UTRN: variants seen among roughly 807,000 people sequenced by gnomAD.
The protein encoded by UTRN is dystrophin-related protein 1.
Under a neutral mutation model 463.9 loss-of-function variants are expected in UTRN, and 283 were observed. The ratio of observed to expected loss-of-function variants is 0.61; its 90% CI spans 0.55 to 0.67. The LOEUF (loss-of-function observed/expected upper bound fraction) is 0.67, where lower values mean the gene tolerates loss of function less well. Ranked by LOEUF, UTRN falls within the 30% of genes least tolerant of loss-of-function variation. The pLI is 0.00. For missense variants in UTRN, 3,922 were observed against 4,084.3 expected, an observed-to-expected ratio of 0.96 and a Z score of 1.08; for synonymous variants, 1,442 against 1,431.5, an observed-to-expected ratio of 1.01 and a Z score of -0.17.
intron 51 of UTRN, among the ~76,000 whole-genome samples, chr6:144,582,295 G>C (rs1802040748): frequency 6.6e-6 from 1 of 152,184 alleles, no homozygotes; most frequent in African/African-American, 2.4e-5. Flanking sequence ...CCGGTTACCA[G>C]TTTGAGCAGG....
chr6:144,816,742 TTTTTTTAAA>T, intron 65 of UTRN, among the ~76,000 whole-genome samples: 1 of 150,434 alleles, frequency 6.6e-6, no homozygotes, highest in African/African-American at 2.4e-5. Context: ...CCTTTTTTTT[TTTTTTTAAA>T]TTTTTTTTTA....
In UTRN at chr6:144,730,496, G is replaced by C; in HGVS notation, c.7939+10G>C. On this transcript the variant is annotated intron_variant, in intron 54 of 74. Transcript: ENST00000367545. ...CTACAATCAAAAACAGGTGAGACTG[G>C]TTTCTCCACTACATCATAAAAACAC... 5 of 1,602,888 alleles carry C rather than the reference G, an allele frequency of 3.1e-6. No individual in the cohort carries two copies. The highest frequency in any genetic ancestry group is 4.3e-6 in the Non-Finnish European group (5 of 1,174,326).
At chr6:144,357,440 T>G (rs1470095101) in intron 2 of UTRN, among the ~76,000 whole-genome samples, 1 of 152,240 alleles carries the variant, frequency 6.6e-6, no homozygotes, top group Non-Finnish European at 1.5e-5. Flanking sequence ...GCCCAACAAT[T>G]TAATATCCAC....
At chr6:144,405,347 A>T (rs190745128) in intron 3 of UTRN, among the ~76,000 whole-genome samples, 1 of 152,238 alleles carries the variant, frequency 6.6e-6, no homozygotes, top group East Asian at 1.9e-4. Context: ...ATTGCTTCCA[A>T]TTGGGGATAG....
At chr6:144,577,351 A>G (rs912435378) in intron 51 of UTRN, 63 bp downstream of exon 51, 94 of 1,536,828 alleles carry the variant, frequency 6.1e-5, no homozygotes, top group South Asian at 2.0e-4. Context: ...ATCCCTCTGC[A>G]TGCAAATGTG....
chr6:144,640,872 C>T (rs1777693715), intron 51 of UTRN, among the ~76,000 whole-genome samples: 1 of 152,110 alleles, frequency 6.6e-6, no homozygotes, highest in South Asian at 2.1e-4. Context: ...TTATCAGTTT[C>T]ATTTGAAGAC....
intron 63 of UTRN, among the ~76,000 whole-genome samples, chr6:144,794,278 C>A (rs772746646): frequency 2.4e-4 from 36 of 152,156 alleles, no homozygotes; most frequent in Non-Finnish European, 4.1e-4. Flanking sequence ...CCATTCCTCT[C>A]CTTGCTCTCC....
Position 144,416,490 on chromosome 6 carries a change from TCC to T in UTRN, c.142-5385_142-5384del, listed in dbSNP as rs1784374589. ...CACTGCAGTTGTTTGCAGCCCTTGC[TCC>T]CCGCTAGACCCCCCTGGCTTCTCCC... On this transcript the variant is annotated intron_variant, in intron 3 of 74. Transcript: ENST00000367545. 2.0e-5 allele frequency among the ~76,000 whole-genome samples: 3 copies of T among 152,136 alleles called. No individual in the cohort carries two copies. In the South Asian group the frequency reaches 6.2e-4, roughly 32 times the overall value.
At chr6:144,440,538 C>G in intron 13 of UTRN, 67 bp downstream of exon 13, 1 of 1,595,456 alleles carries the variant, frequency 6.3e-7, no homozygotes, top group South Asian at 1.1e-5. Context: ...ACATATTGCC[C>G]TTGTTCTTCA....
intron 51 of UTRN, among the ~76,000 whole-genome samples, chr6:144,649,952 G>T (rs1778642244): frequency 1.3e-5 from 2 of 152,068 alleles, no homozygotes; most frequent in South Asian, 4.1e-4. Flanking sequence ...AGATGTATTA[G>T]CTCATTCTCA....
intron 42 of UTRN, among the ~76,000 whole-genome samples, chr6:144,531,922 G>A (rs1010975271): frequency 2.6e-5 from 4 of 152,056 alleles, no homozygotes; most frequent in Admixed American, 2.0e-4. Context: ...CGGATTATGA[G>A]GTCAGGAGAT....
At chr6:144,488,291 T>C (rs1015579789) in intron 29 of UTRN, among the ~76,000 whole-genome samples, 2 of 152,222 alleles carry the variant, frequency 1.3e-5, no homozygotes, top group Admixed American at 6.5e-5. Context: ...AAAGAGACTC[T>C]GATGTTTGTG....
intron 63 of UTRN, among the ~76,000 whole-genome samples, chr6:144,796,340 A>G (rs1777212685): frequency 2.0e-5 from 3 of 152,154 alleles, no homozygotes; most frequent in South Asian, 2.1e-4. Flanking sequence ...TCCTCGTACC[A>G]TCTCCTAAGT....
At chr6:144,520,633 A>G (rs191875330) in intron 39 of UTRN, among the ~76,000 whole-genome samples, 4 of 152,380 alleles carry the variant, frequency 2.6e-5, no homozygotes, top group African/African-American at 9.6e-5. Flanking sequence ...CTAGGAGGCA[A>G]TAATGCAGTC....
chr6:144,498,345 C>T (rs780072632), intron 33 of UTRN, among the ~76,000 whole-genome samples: 6 of 152,172 alleles, frequency 3.9e-5, no homozygotes, highest in African/African-American at 9.7e-5. Flanking sequence ...TAGCACAACA[C>T]GGAAGCTGTA....
intron 9 of UTRN, 44 bp from the exon 10 acceptor site, chr6:144,435,891 G>T: frequency 6.3e-7 from 1 of 1,599,410 alleles, no homozygotes; most frequent in Non-Finnish European, 8.5e-7. Flanking sequence ...AACACCTCTT[G>T]CTTTGATGAT....
intron 2 of UTRN, among the ~76,000 whole-genome samples, chr6:144,369,561 A>T (rs559188875): frequency 5.9e-5 from 9 of 152,360 alleles, no homozygotes; most frequent in Non-Finnish European, 8.8e-5. Context: ...GGTTGCAGTG[A>T]GCTGAGATCG....
intron 36 of UTRN, among the ~76,000 whole-genome samples, chr6:144,514,240 A>G (rs1232866805): frequency 1.3e-5 from 2 of 152,238 alleles, no homozygotes; most frequent in African/African-American, 4.8e-5. Context: ...AAGAGATTTC[A>G]GCACAATCAA....
chr6:144,531,334 A>G (rs543745856), intron 42 of UTRN, 132 bp downstream of exon 42: 47 of 962,044 alleles, frequency 4.9e-5, no homozygotes, highest in Non-Finnish European at 6.3e-5. Flanking sequence ...TTTTTGTTCC[A>G]ATTCTTGTTA....
Sources: gnomAD v4.1 joint callset for allele counts (sites outside exome capture counted in the v4.1 genomes callset) on GRCh38, gnomAD v4.1.1 for gene constraint, MANE v1.5 for transcripts, NCBI Gene and HGNC (gene_info 2026-07-23, HGNC 2026-07-21) for gene names.